Variants in GRK5 observed in about 807,000 individuals in gnomAD.
GRK5 encodes the protein G protein-coupled receptor kinase 5.
Under a neutral mutation model 78.4 loss-of-function variants are expected in GRK5, and 40 were observed. That is an observed-to-expected ratio of 0.51 (90% CI 0.40 to 0.66). GRK5 has a LOEUF of 0.66. Ranked by LOEUF, GRK5 falls within the 30% of genes least tolerant of loss-of-function variation. The pLI is 0.00. For missense variants in GRK5, 598 were observed against 759.9 expected (o/e 0.79, Z 2.50); for synonymous variants, 289 against 296.8 (o/e 0.97, Z 0.27).
chr10:119,436,594 G>T, intron 8 of GRK5, 57 bp from the exon 9 acceptor site: 1 of 1,539,788 alleles, frequency 6.5e-7, no homozygotes, highest in Non-Finnish European at 9.0e-7. Flanking sequence ...GAGGAGGGAA[G>T]TGGAAGTGAG....
At chr10:119,293,837 C>T (rs886631073) in intron 1 of GRK5, among the ~76,000 whole-genome samples, 5 of 152,226 alleles carry the variant, frequency 3.3e-5, no homozygotes, top group Admixed American at 2.0e-4. Context: ...TCTATTGTTA[C>T]GTTAAACCTG....
At chr10:119,279,500 G>T (rs1849724116) in intron 1 of GRK5, among the ~76,000 whole-genome samples, 1 of 152,216 alleles carries the variant, frequency 6.6e-6, no homozygotes, top group South Asian at 2.1e-4. Flanking sequence ...ATGGAAGGAG[G>T]AGGGCTCGGT....
At chr10:119,369,900 C>G (rs1589769032) in intron 2 of GRK5, among the ~76,000 whole-genome samples, 1 of 152,198 alleles carries the variant, frequency 6.6e-6, no homozygotes, top group Non-Finnish European at 1.5e-5. Flanking sequence ...AGTCCACCCC[C>G]ACCCCTGACC....
intron 1 of GRK5, among the ~76,000 whole-genome samples, chr10:119,234,894 C>T (rs903069651): frequency 6.6e-6 from 1 of 152,046 alleles, no homozygotes; most frequent in African/African-American, 2.4e-5. Flanking sequence ...AGGCTGGTCT[C>T]GAACTCCTGA....
At chr10:119,296,329 G>C (rs1850081190) in intron 1 of GRK5, among the ~76,000 whole-genome samples, 1 of 152,230 alleles carries the variant, frequency 6.6e-6, no homozygotes, top group Admixed American at 6.5e-5. Flanking sequence ...GCCAGAACCA[G>C]ATCACATAGC....
intron 4 of GRK5, among the ~76,000 whole-genome samples, chr10:119,414,425 A>T (rs1231626939): frequency 3.9e-5 from 6 of 152,088 alleles, no homozygotes; most frequent in Non-Finnish European, 5.9e-5. Context: ...CTATACAAAC[A>T]CCATTGGTCA....
intron 4 of GRK5, among the ~76,000 whole-genome samples, chr10:119,397,693 G>A (rs993179733): frequency 6.6e-6 from 1 of 152,198 alleles, no homozygotes; most frequent in Non-Finnish European, 1.5e-5. Context: ...GGAAGGTCTT[G>A]GCCATCAGTC....
At chr10:119,246,059 A>G (rs1003353738) in intron 1 of GRK5, among the ~76,000 whole-genome samples, 3 of 151,086 alleles carry the variant, frequency 2.0e-5, no homozygotes, top group African/African-American at 7.3e-5. Flanking sequence ...AAAAAGATAA[A>G]TTTGTTAAGA....
At chr10:119,232,419 T>C (rs1174884262) in intron 1 of GRK5, among the ~76,000 whole-genome samples, 1 of 152,220 alleles carries the variant, frequency 6.6e-6, no homozygotes, top group Non-Finnish European at 1.5e-5. Flanking sequence ...TCTATATCTG[T>C]AGAATGACTG....
intron 1 of GRK5, among the ~76,000 whole-genome samples, chr10:119,226,093 C>T (rs949051867): frequency 4.6e-5 from 7 of 151,866 alleles, no homozygotes; most frequent in African/African-American, 1.2e-4. Context: ...ATGATCCACC[C>T]GCTTCAGCCT....
chr10:119,430,289 C>A lies in GRK5; in HGVS notation c.534-86C>A. The A allele has an allele frequency of 1.7e-6, 2 of 1,181,128 alleles. No homozygotes were observed. The highest frequency in any genetic ancestry group is 2.5e-6 in the Non-Finnish European group (2 of 791,152). 73.2% of individuals were successfully genotyped at this position (1,181,128 alleles called of 1,614,324 possible). ...TGGGGCTCCTGGAATTATACCCCAC[C>A]CCAGCTGCTCTCAATGTGCCACTGT... On this transcript the variant is annotated intron_variant, in intron 6 of 15. Transcript: ENST00000392870. The surrounding 1 kb of genome is among the most constrained non-coding windows in gnomAD (Gnocchi z 4.5).
intron 4 of GRK5, among the ~76,000 whole-genome samples, chr10:119,417,682 A>T (rs769893766): frequency 6.6e-6 from 1 of 152,160 alleles, no homozygotes; most frequent in Non-Finnish European, 1.5e-5. Context: ...AGAAGATGAG[A>T]GAGGCGACCT....
At chr10:119,394,807 G>GTC (rs1466417947) in intron 3 of GRK5, among the ~76,000 whole-genome samples, 25 of 143,518 alleles carry the variant, frequency 1.7e-4, no homozygotes, top group African/African-American at 7.0e-4. Flanking sequence ...GTGTGTGGGT[G>GTC]TGTGTGTGGG....
At chr10:119,454,682 CTG>C (rs1309282757) in intron 15 of GRK5, among the ~76,000 whole-genome samples, 3 of 152,206 alleles carry the variant, frequency 2.0e-5, no homozygotes, top group Non-Finnish European at 2.9e-5. Context: ...GAGGGGAAGA[CTG>C]AGAATTCCAG....
chr10:119,433,843 C>T (rs1397488139), intron 8 of GRK5, among the ~76,000 whole-genome samples: 1 of 152,194 alleles, frequency 6.6e-6, no homozygotes, highest in African/African-American at 2.4e-5. Flanking sequence ...CTTGGTGGCC[C>T]TTTGCCAAGT....
intron 1 of GRK5, among the ~76,000 whole-genome samples, chr10:119,259,071 T>C (rs1589706649): frequency 1.3e-5 from 2 of 149,392 alleles, no homozygotes; most frequent in Admixed American, 6.6e-5. Flanking sequence ...TTTTCTTTTT[T>C]TTTTTTTTTT....
At chr10:119,354,561 C>G (rs573245014) in intron 2 of GRK5, among the ~76,000 whole-genome samples, 1 of 152,224 alleles carries the variant, frequency 6.6e-6, no homozygotes, top group East Asian at 1.9e-4. Context: ...ACCGCCATGC[C>G]TGGCTAATTT....
rs1416977860 is a variant in GRK5, at chr10:119,210,872, T to C, written c.52+2903T>C. On this transcript the variant is annotated intron_variant, in intron 1 of 15. Transcript: ENST00000392870. ...CATGTTGGTGGGTAACACTGGGACC[T>C]ATCTTTTCTTTTTGTTTTGCATTAA... 2.0e-5 allele frequency among the ~76,000 whole-genome samples: 3 copies of C among 152,370 alleles called. No homozygotes were observed. In the East Asian group the frequency reaches 5.8e-4, roughly 29 times the overall value.
intron 1 of GRK5, among the ~76,000 whole-genome samples, chr10:119,241,284 C>T (rs1419324075): frequency 6.6e-6 from 1 of 152,162 alleles, no homozygotes; most frequent in Non-Finnish European, 1.5e-5. Context: ...TCCCTGTGCT[C>T]ATAGACTGCG....
Sources: allele counts gnomAD v4.1 joint callset (sites outside exome capture counted in the v4.1 genomes callset), GRCh38; gene constraint gnomAD v4.1.1; non-coding constraint Gnocchi (gnomAD v3.1); transcripts MANE v1.5; gene names NCBI Gene and HGNC (gene_info 2026-07-23, HGNC 2026-07-21).